Variants in KCNIP4 observed in about 807,000 individuals in gnomAD.
KCNIP4 encodes Kv channel-interacting protein 4.
KCNIP4 carries 12 observed loss-of-function variants against 34.0 expected under a neutral mutation model. The ratio of observed to expected loss-of-function variants is 0.35; its 90% CI spans 0.23 to 0.57. The LOEUF is 0.57. KCNIP4 is among the 20% of genes least tolerant of loss of function. The pLI is 0.83. For missense variants in KCNIP4, 238 were observed against 311.7 expected, an observed-to-expected ratio of 0.76 and a Z score of 1.78; for synonymous variants, 124 against 102.2, an observed-to-expected ratio of 1.21 and a Z score of -1.29.
chr4:21,793,411 C>T (rs930506666), intron 1 of KCNIP4, among the ~76,000 whole-genome samples: 2 of 147,656 alleles, frequency 1.4e-5, no homozygotes, highest in Admixed American at 1.3e-4. Context: ...GTGTGTGCCA[C>T]CATGCCCGGC....
rs561868753 is a variant in KCNIP4, at chr4:21,466,746, T to C, written c.61+481825A>G. ...ATAACGTCTCCTAATGGGGCTGTCA[T>C]GTAATATATAGAAAATCAACATACT... On this transcript the variant is annotated intron_variant, in intron 1 of 8. Coordinates refer to ENST00000382152, the MANE Select transcript of KCNIP4 (RefSeq NM_025221.6). Among the ~76,000 whole-genome samples, 3 of 152,266 alleles carry C rather than the reference T, an allele frequency of 2.0e-5. No homozygotes were observed. In the South Asian group the frequency reaches 6.2e-4, roughly 32 times the overall value.
At chr4:21,727,389 C>T (rs1258887561) in intron 1 of KCNIP4, among the ~76,000 whole-genome samples, 1 of 152,122 alleles carries the variant, frequency 6.6e-6, no homozygotes, top group East Asian at 1.9e-4. Flanking sequence ...GACAGCAGCC[C>T]TCAAAAGACA....
At chr4:21,723,167 T>C (rs1162391278) in intron 1 of KCNIP4, among the ~76,000 whole-genome samples, 1 of 152,160 alleles carries the variant, frequency 6.6e-6, no homozygotes, top group Non-Finnish European at 1.5e-5. Flanking sequence ...ATAGATGATA[T>C]AAGTTCTTCG....
At chr4:21,693,436 C>T (rs1279900015) in intron 1 of KCNIP4, among the ~76,000 whole-genome samples, 1 of 151,978 alleles carries the variant, frequency 6.6e-6, no homozygotes, top group Non-Finnish European at 1.5e-5. Context: ...TGGAGAGCGC[C>T]TGTAATCCCA....
intron 1 of KCNIP4, among the ~76,000 whole-genome samples, chr4:21,561,385 T>C (rs925495890): frequency 2.6e-5 from 4 of 152,012 alleles, no homozygotes; most frequent in Non-Finnish European, 5.9e-5. Flanking sequence ...GGAGAACCGA[T>C]TAAAGACTAA....
chr4:20,983,721 C>G (rs1235131582), intron 1 of KCNIP4: 9 of 1,036,174 alleles, frequency 8.7e-6, no homozygotes, highest in Non-Finnish European at 1.1e-5. Context: ...AAAACTTTTA[C>G]TTTGAGTATT....
chr4:21,774,612 AT>A (rs1317900459), intron 1 of KCNIP4, among the ~76,000 whole-genome samples: 1 of 152,124 alleles, frequency 6.6e-6, no homozygotes, highest in Non-Finnish European at 1.5e-5. Context: ...AAGTCCCAAA[AT>A]TCTTGGAGGC....
At chr4:20,857,099 C>G (rs535725579) in intron 2 of KCNIP4, among the ~76,000 whole-genome samples, 15 of 151,006 alleles carry the variant, frequency 9.9e-5, no homozygotes, top group Admixed American at 2.0e-4. Flanking sequence ...TCTTGCTTTT[C>G]CAGCTGTCTG....
intron 1 of KCNIP4, among the ~76,000 whole-genome samples, chr4:21,565,298 G>A (rs746496644): frequency 2.6e-5 from 4 of 152,108 alleles, no homozygotes; most frequent in Non-Finnish European, 5.9e-5. Flanking sequence ...GAGAAAAAGT[G>A]ATCTCTGGTC....
intron 1 of KCNIP4, among the ~76,000 whole-genome samples, chr4:21,314,990 G>T (rs766872801): frequency 6.6e-6 from 1 of 152,054 alleles, no homozygotes; most frequent in Non-Finnish European, 1.5e-5. Context: ...CTGATCTTAT[G>T]ATCTATTCAC....
At chr4:21,895,460 G>A (rs1272424529) in intron 1 of KCNIP4, among the ~76,000 whole-genome samples, 3 of 152,016 alleles carry the variant, frequency 2.0e-5, no homozygotes, top group Non-Finnish European at 2.9e-5. Flanking sequence ...ACATTCAAAC[G>A]TCAGCTCTAC....
At chr4:20,907,475 A>G (rs561189249) in intron 1 of KCNIP4, among the ~76,000 whole-genome samples, 78 of 152,360 alleles carry the variant, frequency 5.1e-4, no homozygotes, top group African/African-American at 1.9e-3. Flanking sequence ...CAAATGAAAT[A>G]ATAAATATCA....
Position 21,378,895 on chromosome 4 carries a change from A to G in KCNIP4, c.62-496186T>C, listed in dbSNP as rs1199093331. ...TATTTATTAACAATCTTTCAAATTA[A>G]AAAAACACAGGGTTGAAATCATATA... On this transcript the variant is annotated intron_variant, in intron 1 of 8. Coordinates refer to ENST00000382152, the MANE Select transcript of KCNIP4 (RefSeq NM_025221.6). Among the ~76,000 whole-genome samples, 21 of 152,286 alleles carry G rather than the reference A, an allele frequency of 1.4e-4. No individual in the cohort carries two copies. In the East Asian group the frequency reaches 4.1e-3, roughly 29 times the overall value.
chr4:21,643,739 A>T lies in KCNIP4; in HGVS notation c.61+304832T>A, dbSNP rs565436011. ...GCAAGGAGACTGCCTTCAAACTTGA[A>T]CTCTTCCCTGGGTCTCCAAGCTGCC... On this transcript the variant is annotated intron_variant, in intron 1 of 8. Transcript: ENST00000382152. Among the ~76,000 whole-genome samples the T allele has an allele frequency of 1.0e-3, 152 of 151,468 alleles. 4 individuals are homozygous for T. In the South Asian group the frequency reaches 0.025, roughly 25 times the overall value.
intron 1 of KCNIP4, among the ~76,000 whole-genome samples, chr4:21,630,307 A>C (rs1745661548): frequency 6.6e-6 from 1 of 151,980 alleles, no homozygotes; most frequent in Non-Finnish European, 1.5e-5. Context: ...TCTACTAAAA[A>C]TACAAAAATT....
chr4:20,774,705 C>T (rs556358808), intron 3 of KCNIP4, among the ~76,000 whole-genome samples: 1 of 152,156 alleles, frequency 6.6e-6, no homozygotes, highest in East Asian at 1.9e-4. Flanking sequence ...AAAGAGGGAC[C>T]TGAAGGATAA....
intron 1 of KCNIP4, among the ~76,000 whole-genome samples, chr4:21,574,560 A>C (rs2109058523): frequency 6.6e-6 from 1 of 152,276 alleles, no homozygotes. Context: ...GGTGATAAAT[A>C]AAATAAAATT....
chr4:21,134,595 G>A (rs764346361), intron 1 of KCNIP4, among the ~76,000 whole-genome samples: 25 of 152,030 alleles, frequency 1.6e-4, no homozygotes, highest in Non-Finnish European at 1.9e-4. Flanking sequence ...ATCACTAAGG[G>A]GATTTGAAAA....
chr4:21,907,868 A>G (rs1728087084), intron 1 of KCNIP4, among the ~76,000 whole-genome samples: 1 of 152,218 alleles, frequency 6.6e-6, no homozygotes, highest in Non-Finnish European at 1.5e-5. Context: ...TATGATAGAA[A>G]AAATACCAAA....
Sources: gnomAD v4.1 joint callset for allele counts (sites outside exome capture counted in the v4.1 genomes callset) on GRCh38, gnomAD v4.1.1 for gene constraint, MANE v1.5 for transcripts, NCBI Gene and HGNC (gene_info 2026-07-23, HGNC 2026-07-21) for gene names.